The following GALNT13 variants were observed in gnomAD, a reference collection of about 807,000 sequenced individuals.
GALNT13 encodes UDP-GalNAc:polypeptide N-acetylgalactosaminyltransferase 13.
A neutral mutation model predicts 64.2 loss-of-function variants in GALNT13; 28 were observed. The observed-to-expected ratio is 0.44, with a 90% CI of 0.32 to 0.60. GALNT13 has a LOEUF of 0.60. Ranked by LOEUF, GALNT13 falls within the 20% of genes least tolerant of loss-of-function variation. GALNT13 has a pLI of 0.05. For synonymous variants in GALNT13, 214 were observed against 224.6 expected (o/e 0.95, Z 0.42); for missense variants, 577 against 669.8 (o/e 0.86, Z 1.53).
the GALNT13 span, among the ~76,000 whole-genome samples, chr2:153,110,608 G>A: frequency 6.6e-6 from 1 of 152,198 alleles, no homozygotes; most frequent in African/African-American, 2.4e-5. Context: ...TGTGATCTTA[G>A]GCAGGAGACT....
At chr2:153,137,884 G>A in the GALNT13 span, among the ~76,000 whole-genome samples, 23 of 152,104 alleles carry the variant, frequency 1.5e-4, no homozygotes, top group African/African-American at 5.3e-4. Flanking sequence ...TGGGATGGTG[G>A]TTGCCCTAAT....
the GALNT13 span, among the ~76,000 whole-genome samples, chr2:153,339,325 A>T: frequency 6.6e-6 from 1 of 151,982 alleles, no homozygotes; most frequent in Non-Finnish European, 1.5e-5. Flanking sequence ...AAAATGAGAC[A>T]ATATCTCAAT....
intron 9 of GALNT13, among the ~76,000 whole-genome samples, chr2:154,380,688 G>A (rs758655878): frequency 6.6e-6 from 1 of 151,936 alleles, no homozygotes; most frequent in South Asian, 2.1e-4. Context: ...AAATTGCCAC[G>A]AACTTGGTGG....
intron 3 of GALNT13, among the ~76,000 whole-genome samples, chr2:153,998,114 G>A (rs144729456): frequency 0.19 from 28,242 of 152,034 alleles, 3,368 homozygotes; most frequent in Non-Finnish European, 0.26. Flanking sequence ...ATGTGTGCAT[G>A]TGTCTTTATA....
At chr2:153,848,888 A>C in the GALNT13 span, among the ~76,000 whole-genome samples, 1 of 151,730 alleles carries the variant, frequency 6.6e-6, no homozygotes, top group South Asian at 2.1e-4. Context: ...ATGTATGTAT[A>C]AAGTAAATTG....
the GALNT13 span, among the ~76,000 whole-genome samples, chr2:153,529,707 C>T: frequency 5.9e-5 from 9 of 152,046 alleles, no homozygotes; most frequent in East Asian, 3.9e-4. Context: ...ATCATCATCA[C>T]GATCAAGTGG....
the GALNT13 span, among the ~76,000 whole-genome samples, chr2:153,271,411 C>A: frequency 6.6e-6 from 1 of 152,208 alleles, no homozygotes; most frequent in African/African-American, 2.4e-5. Context: ...TGATAAGCAA[C>A]TTCAGCAAAG....
chr2:153,191,800 G>A, the GALNT13 span, among the ~76,000 whole-genome samples: 1 of 151,514 alleles, frequency 6.6e-6, no homozygotes, highest in Non-Finnish European at 1.5e-5. Flanking sequence ...TAGGTTGTAT[G>A]TATTCAGAAA....
chr2:153,137,757 C>T, the GALNT13 span, among the ~76,000 whole-genome samples: 1 of 150,816 alleles, frequency 6.6e-6, no homozygotes, highest in Non-Finnish European at 1.5e-5. Flanking sequence ...ATTACTGTAA[C>T]CTACTTGTCT....
chr2:154,073,956 T>G (rs1025008164), intron 3 of GALNT13, among the ~76,000 whole-genome samples: 1 of 151,932 alleles, frequency 6.6e-6, no homozygotes, highest in Admixed American at 6.6e-5. Context: ...TTTTTTTAAA[T>G]GAACAAAATG....
intron 8 of GALNT13, among the ~76,000 whole-genome samples, chr2:154,281,150 T>A (rs1284765466): frequency 6.6e-6 from 1 of 152,230 alleles, no homozygotes; most frequent in Non-Finnish European, 1.5e-5. Flanking sequence ...TGAGTTACTG[T>A]TTGAAACAAT....
chr2:154,225,801 G>A (rs1336772589), intron 4 of GALNT13, among the ~76,000 whole-genome samples: 2 of 152,032 alleles, frequency 1.3e-5, no homozygotes, highest in Non-Finnish European at 2.9e-5. Flanking sequence ...AATATGACTG[G>A]ACAGAAAGGG....
chr2:153,855,633 G>A, the GALNT13 span, among the ~76,000 whole-genome samples: 1 of 152,104 alleles, frequency 6.6e-6, no homozygotes, highest in African/African-American at 2.4e-5. Context: ...ATACATTGCT[G>A]GTGGGACTAT....
At chr2:153,716,605 TA>T in the GALNT13 span, among the ~76,000 whole-genome samples, 1 of 152,156 alleles carries the variant, frequency 6.6e-6, no homozygotes, top group African/African-American at 2.4e-5. Context: ...TTAAAATTTT[TA>T]ATTGTATTGT....
At chr2:154,073,960 CA>C (rs1277549748) in intron 3 of GALNT13, among the ~76,000 whole-genome samples, 2 of 151,690 alleles carry the variant, frequency 1.3e-5, no homozygotes, top group African/African-American at 4.8e-5. Context: ...TTTAAATGAA[CA>C]AAATGCCATT....
At chr2:153,534,610 G>A in the GALNT13 span, among the ~76,000 whole-genome samples, 1 of 151,094 alleles carries the variant, frequency 6.6e-6, no homozygotes, top group African/African-American at 2.4e-5. Context: ...TCAGTGAAGG[G>A]AGATAAGGGT....
the GALNT13 span, among the ~76,000 whole-genome samples, chr2:153,218,489 C>T: frequency 6.6e-6 from 1 of 152,134 alleles, no homozygotes; most frequent in Non-Finnish European, 1.5e-5. Flanking sequence ...CAGTATTTGT[C>T]CTTCCTTCCC....
In GALNT13 at chr2:154,387,123, T is replaced by G. The variant is rs75077660; in HGVS notation, c.1157-8868T>G. Reference sequence around the variant, plus strand: ...GTCAATCAGCCAGTTAATGTAGTTCTGTCCACTGACATGCTAATGAGAACT... The same window carrying G: ...GTCAATCAGCCAGTTAATGTAGTTCGGTCCACTGACATGCTAATGAGAACT... On this transcript the variant is annotated intron_variant, in intron 9 of 12. Transcript: ENST00000392825. Among the ~76,000 whole-genome samples the G allele has an allele frequency of 8.8e-3, 1,338 of 152,282 alleles. 23 individuals are homozygous for G. Among genetic ancestry groups the G allele is most frequent in the African/African-American group, 0.031 (1,273 of 41,566 alleles).
chr2:153,766,211 C>G, the GALNT13 span, among the ~76,000 whole-genome samples: 39 of 151,758 alleles, frequency 2.6e-4, no homozygotes, highest in African/African-American at 9.4e-4. Flanking sequence ...GAGGTTTCTG[C>G]TGAACCATTC....
Sources: gnomAD v4.1 joint callset for allele counts (sites outside exome capture counted in the v4.1 genomes callset) on GRCh38, gnomAD v4.1.1 for gene constraint, MANE v1.5 for transcripts, NCBI Gene and HGNC (gene_info 2026-07-23, HGNC 2026-07-21) for gene names.